The following TNFRSF14 variants were observed in gnomAD, a reference collection of about 807,000 sequenced individuals.
TNFRSF14 encodes TNF receptor superfamily member 14.
A neutral mutation model predicts 34.1 loss-of-function variants in TNFRSF14; 18 were observed. The observed-to-expected ratio is 0.53, with a 90% CI of 0.36 to 0.78. The LOEUF is 0.78. Among genes scored for constraint, TNFRSF14 ranks in the 30% least tolerant of loss-of-function variants. The pLI, the probability that TNFRSF14 is intolerant of heterozygous loss-of-function variation, is 0.00. For synonymous variants in TNFRSF14, 157 were observed against 153.2 expected (o/e 1.02, Z -0.18); for missense variants, 352 against 379.5 (o/e 0.93, Z 0.60).
chr1:2,558,880 G>A, intron 3 of TNFRSF14: 1 of 1,337,206 alleles, frequency 7.5e-7, no homozygotes, highest in Non-Finnish European at 9.8e-7. Flanking sequence ...TTCTCCTCCA[G>A]ATATTGGTTC....
intron 6 of TNFRSF14, chr1:2,562,342 C>T: frequency 9.2e-6 from 2 of 218,206 alleles, no homozygotes; most frequent in South Asian, 6.9e-5. Context: ...GCCCTGTGCA[C>T]AGCCCCCGGG....
Position 2,563,131 on chromosome 1 carries a change from G to T in TNFRSF14, c.727-17G>T. ...GGGCCTGAGCAGGCAGGGTCTCCAC[G>T]ATTCGTGTGCTCACAGCGGAAAAGA... On this transcript the variant is annotated splice_polypyrimidine_tract_variant and intron_variant, in intron 7 of 7. Transcript: ENST00000355716. 1.2e-6 allele frequency: 2 copies of T among 1,612,930 alleles called. No homozygotes were observed. The highest frequency in any genetic ancestry group is 1.7e-6 in the Non-Finnish European group (2 of 1,179,718).
chr1:2,558,522 C>T (rs754021885), intron 3 of TNFRSF14, 54 bp downstream of exon 3: 364 of 1,605,450 alleles, frequency 2.3e-4, no homozygotes, highest in East Asian at 3.3e-4. Flanking sequence ...TGGATGCCCC[C>T]GCACCCTGCA....
Position 2,560,996 on chromosome 1 carries a change from C to T in TNFRSF14, c.551+282C>T, listed in dbSNP as rs11573987. The T allele has an allele frequency of 3.5e-3, 1,620 of 466,238 alleles. 15 individuals carry two copies. The highest frequency in any genetic ancestry group is 0.028 in the African/African-American group (1,445 of 50,944). The allele number at this position is 466,238 out of a possible 1,614,324, so 28.9% of individuals were successfully genotyped here. On this transcript the variant is annotated intron_variant, in intron 5 of 7. Coordinates refer to ENST00000355716, the MANE Select transcript of TNFRSF14 (RefSeq NM_003820.4). ...GCCCAGAGGGAGGCTGCCTCCAGAT[C>T]CCCTGTCCCCTGGGGCTGTGGGTGT...
chr1:2,562,935 T>G (rs898865132), intron 7 of TNFRSF14, 39 bp downstream of exon 7: 16 of 1,223,168 alleles, frequency 1.3e-5, no homozygotes, highest in African/African-American at 4.7e-5. Context: ...CCCCTCCACC[T>G]TCCCACCTCC....
At chr1:2,555,830 G>A (rs1050961557), upstream of TNFRSF14, 1 of 153,974 alleles carries the variant, frequency 6.5e-6, no homozygotes, top group Non-Finnish European at 1.5e-5. The surrounding 1 kb of genome is among the most constrained non-coding windows in gnomAD (Gnocchi z 6.3). Flanking sequence ...CTCCGGGACT[G>A]TGGGCTGTCT....
At chr1:2,557,648 T>C (rs2100842405) in intron 1 of TNFRSF14, 78 bp from the exon 2 acceptor site, 2 of 1,136,894 alleles carry the variant, frequency 1.8e-6, no homozygotes, top group South Asian at 1.6e-5. Flanking sequence ...CAGAGGGAGA[T>C]TCAGGCTGTG....
rs1570581499 is a variant in TNFRSF14, at chr1:2,556,878, T to C, written c.69+145T>C. On this transcript the variant is annotated intron_variant, in intron 1 of 7. Transcript: ENST00000355716. ...TCCCCTGCTGCCTGGGGCTCTCGGGTCAACCCAGACCCCCAGCACTGGGCT... is the reference window on the plus strand; with the variant it reads ...TCCCCTGCTGCCTGGGGCTCTCGGGCCAACCCAGACCCCCAGCACTGGGCT... 5.1e-5 allele frequency: 41 copies of C among 803,608 alleles called. No homozygotes were observed. The East Asian group carries it at 1.1e-3, about 21-fold the overall frequency. 49.8% of individuals were successfully genotyped at this position (803,608 alleles called of 1,614,324 possible).
chr1:2,558,545 G>A (rs1456684857), intron 3 of TNFRSF14, 77 bp downstream of exon 3: 3 of 1,589,258 alleles, frequency 1.9e-6, no homozygotes, highest in Non-Finnish European at 1.7e-6. Context: ...CTCTCTCCAT[G>A]GCCACAGTGC....
intron 6 of TNFRSF14, chr1:2,562,053 TG>T: frequency 1.7e-6 from 1 of 584,864 alleles, no homozygotes; most frequent in East Asian, 2.9e-5. Flanking sequence ...CAGCCACCCC[TG>T]CCCACGCACT....
chr1:2,562,095 T>C, intron 6 of TNFRSF14: 1 of 506,678 alleles, frequency 2.0e-6, no homozygotes, highest in Non-Finnish European at 3.5e-6. Context: ...CTGCCCCCTG[T>C]GGGATGTGGG....
rs899129044 is a variant in TNFRSF14, at chr1:2,560,493, C to G, written c.461-131C>G. On this transcript the variant is annotated intron_variant, in intron 4 of 7. Coordinates refer to ENST00000355716, the MANE Select transcript of TNFRSF14 (RefSeq NM_003820.4). ...CCAAGACTCTGGACAGGGAGCCTGCCCCTCCCCGCTGGTCCTCCCATCACC... is the reference window on the plus strand; with the variant it reads ...CCAAGACTCTGGACAGGGAGCCTGCGCCTCCCCGCTGGTCCTCCCATCACC... The G allele has an allele frequency of 6.6e-5, 43 of 646,906 alleles. 1 individual carries two copies. The South Asian group carries it at 7.9e-4, about 12-fold the overall frequency. 40.1% of individuals were successfully genotyped at this position (646,906 alleles called of 1,614,324 possible). A position where few individuals can be genotyped will look rare whatever the true frequency, so the allele number is the denominator to read the frequency against.
At position 2,561,697 on chromosome 1, in the gene TNFRSF14, C is replaced by T. The variant is rs201811915; in HGVS notation, c.576C>T (p.Ala192=). The T allele has an allele frequency of 1.9e-4, 310 of 1,613,210 alleles. 2 individuals are homozygous for T. The East Asian group carries it at 5.2e-3, about 27-fold the overall frequency. The stretch of plus-strand genomic sequence containing the variant: ...GGTGCAGCTGGCTGGTGACGAAGGC[C>T]GGAGCTGGGACCAGCAGCTCCCACT... ...QTKCSWLVTK[A]GAGTSSSHWV... Residue 192 remains alanine (A), a synonymous_variant, in exon 6 of 8, where the codon GCC becomes GCT. Transcript: ENST00000355716. The surrounding 1 kb of genome is among the most constrained non-coding windows in gnomAD (Gnocchi z 6.0).
Position 2,563,452 on chromosome 1 carries a change from C to A in TNFRSF14, c.*179C>A. ...TGCTGGGGTAGAGCTGGGGACGCCA[C>A]GTGCCATTCCCATGGGCCAGTGAGG... On this transcript the variant is annotated 3_prime_UTR_variant, in exon 8 of 8. Coordinates refer to ENST00000355716, the MANE Select transcript of TNFRSF14 (RefSeq NM_003820.4). The A allele has an allele frequency of 1.0e-6, 1 of 975,562 alleles. No homozygotes were observed. Among genetic ancestry groups the A allele is most frequent in the Non-Finnish European group, 1.5e-6 (1 of 678,910 alleles). The allele number at this position is 975,562 out of a possible 1,614,324, so 60.4% of individuals were successfully genotyped here.
rs767449717 is a variant in TNFRSF14, at chr1:2,560,728, G to A, written c.551+14G>A. On this transcript the variant is annotated intron_variant, in intron 5 of 7. Transcript: ENST00000355716. Reference sequence around the variant, plus strand: ...GCACCAGACCAAGTAAGTGAACCCGGGGGAGGCCCAGCTCTGTGCCCTGGG... The same window carrying A: ...GCACCAGACCAAGTAAGTGAACCCGAGGGAGGCCCAGCTCTGTGCCCTGGG... 3.7e-6 allele frequency: 6 copies of A among 1,612,210 alleles called. No individual in the cohort carries two copies. The South Asian group carries it at 4.4e-5, about 12-fold the overall frequency.
Position 2,561,488 on chromosome 1 carries a change from C to G in TNFRSF14, c.552-185C>G. On this transcript the variant is annotated intron_variant, in intron 5 of 7. Coordinates refer to ENST00000355716, the MANE Select transcript of TNFRSF14 (RefSeq NM_003820.4). This position sits in a 1 kb window ranked among gnomAD's most constrained non-coding sequence, Gnocchi z 6.0. ...CTCCTCCTTCCTTCTCTCCACCTCC[C>G]CATAGCCGAGCTTGGAAAAGTCAGA... 3 of 1,523,452 alleles carry G rather than the reference C, an allele frequency of 2.0e-6. No individual in the cohort carries two copies. The highest frequency in any genetic ancestry group is 3.5e-4 in the Middle Eastern group (2 of 5,652). 94.4% of individuals were successfully genotyped at this position (1,523,452 alleles called of 1,614,324 possible).
Position 2,558,376 on chromosome 1 carries a change from C to A in TNFRSF14, c.212C>A (p.Thr71Lys). The A allele has an allele frequency of 6.2e-7, 1 of 1,611,956 alleles. No individual in the cohort carries two copies. Among genetic ancestry groups the A allele is most frequent in the Non-Finnish European group, 8.5e-7 (1 of 1,179,266 alleles). Residue 71 changes from threonine (T) to lysine (K), a missense_variant, in exon 3 of 8, where the codon ACG becomes AAG. By Grantham distance (78) the Thr-to-Lys change is moderately conservative. Coordinates refer to ENST00000355716, the MANE Select transcript of TNFRSF14 (RefSeq NM_003820.4). Reference protein sequence around the residue: ...YRVKEACGELTGTVCEPCPPG... With the variant: ...YRVKEACGELKGTVCEPCPPG... ...GTGAAGGAGGCCTGCGGGGAGCTGACGGGCACAGTGTGTGAACCCTGCCCT... is the reference window on the plus strand; with the variant it reads ...GTGAAGGAGGCCTGCGGGGAGCTGAAGGGCACAGTGTGTGAACCCTGCCCT...
At chr1:2,560,980 G>A (rs1478124901) in intron 5 of TNFRSF14, 1 of 484,388 alleles carries the variant, frequency 2.1e-6, no homozygotes, top group Non-Finnish European at 3.7e-6. Context: ...GGCCCAGAGG[G>A]AGGCTGCCTC....
intron 3 of TNFRSF14, 73 bp downstream of exon 3, chr1:2,558,541 C>G: frequency 1.3e-6 from 2 of 1,590,650 alleles, no homozygotes; most frequent in East Asian, 2.2e-5. Context: ...CACCCTCTCT[C>G]CATGGCCACA....
Sources: allele counts gnomAD v4.1 joint callset, GRCh38; gene constraint gnomAD v4.1.1; non-coding constraint Gnocchi (gnomAD v3.1); transcripts MANE v1.5; gene names NCBI Gene and HGNC (gene_info 2026-07-23, HGNC 2026-07-21).